ANKFY1: variants seen among roughly 807,000 people sequenced by gnomAD.
ANKFY1 encodes ankyrin repeat and FYVE domain-containing protein 1.
Under a neutral mutation model 128.3 loss-of-function variants are expected in ANKFY1, and 47 were observed. That is an observed-to-expected ratio of 0.37 (90% CI 0.29 to 0.47). ANKFY1 has a LOEUF of 0.47. Among genes scored for constraint, ANKFY1 ranks in the 20% least tolerant of loss-of-function variants. The pLI is 1.00. For missense variants in ANKFY1, 1,222 were observed against 1,510.6 expected (o/e 0.81, Z 3.17); for synonymous variants, 553 against 601.6 (o/e 0.92, Z 1.18).
chr17:4,233,998 T>C (rs889603268), intron 3 of ANKFY1, among the ~76,000 whole-genome samples: 3 of 152,234 alleles, frequency 2.0e-5, no homozygotes, highest in East Asian at 1.9e-4. Context: ...AATTATAATA[T>C]TGTACTTTTA....
At chr17:4,241,361 G>C (rs1740521783) in intron 2 of ANKFY1, among the ~76,000 whole-genome samples, 2 of 145,468 alleles carry the variant, frequency 1.4e-5, no homozygotes, top group Admixed American at 1.4e-4. Context: ...CTCACTGCAA[G>C]CTCCATCTCC....
Position 4,182,296 on chromosome 17 carries a change from A to G in ANKFY1, c.2006T>C (p.Leu669Pro). 1 of 1,593,830 alleles carries G rather than the reference A, an allele frequency of 6.3e-7. No individual in the cohort carries two copies. Among genetic ancestry groups the G allele is most frequent in the Non-Finnish European group, 8.6e-7 (1 of 1,169,282 alleles). The change falls in exon 15 of 25, where the codon CTC becomes CCC. Residue 669 changes from leucine (L) to proline (P), a missense_variant. Coordinates refer to ENST00000341657, the MANE Select transcript of ANKFY1 (RefSeq NM_001330063.2). Reference protein sequence around the residue: ...LQLAIRNQLPLVVDAICTRGA... With the variant: ...LQLAIRNQLPPVVDAICTRGA... ...TCGGGTGCATATGGCATCAACTACGAGTGGAAGCTGGTTTCTGATGGCCAG... is the reference window on the plus strand; with the variant it reads ...TCGGGTGCATATGGCATCAACTACGGGTGGAAGCTGGTTTCTGATGGCCAG...
chr17:4,244,246 T>G (rs1255782706), intron 1 of ANKFY1, among the ~76,000 whole-genome samples: 1 of 152,166 alleles, frequency 6.6e-6, no homozygotes, highest in Non-Finnish European at 1.5e-5. Flanking sequence ...TCAAATAACT[T>G]TTGTTATAAT....
Position 4,167,504 on chromosome 17 carries a change from G to A in ANKFY1, c.*275C>T, listed in dbSNP as rs1597995088. The A allele has an allele frequency of 6.7e-6, 2 of 298,066 alleles. No homozygotes were observed. Among genetic ancestry groups the A allele is most frequent in the East Asian group, 1.1e-4 (2 of 17,982 alleles). 18.5% of individuals were successfully genotyped at this position (298,066 alleles called of 1,614,324 possible). ...CTGTATGTTGCTAGCAGAATGGGGA[G>A]AGGTCTAATTCCTAATCACATTTAC... is the stretch of plus-strand genomic sequence containing the variant. On this transcript the variant is annotated 3_prime_UTR_variant, in exon 25 of 25. Transcript: ENST00000341657. The surrounding 1 kb of genome is among the most constrained non-coding windows in gnomAD (Gnocchi z 4.1).
At position 4,243,367 on chromosome 17, in the gene ANKFY1, CT is replaced by C. The variant is rs60693230; in HGVS notation, c.11-920del. Among the ~76,000 whole-genome samples, 109 of 147,056 alleles carry C rather than the reference CT, an allele frequency of 7.4e-4. 1 individual carries two copies. The highest frequency in any genetic ancestry group is 2.2e-3 in the African/African-American group (87 of 40,378). On this transcript the variant is annotated intron_variant, in intron 1 of 24. Coordinates refer to ENST00000341657, the MANE Select transcript of ANKFY1 (RefSeq NM_001330063.2). ...AGGCATGAGCTACCGCGCCCAGCCT[CT>C]TTTTTTTTTTAAACAGATGAGGGTC...
intron 7 of ANKFY1, among the ~76,000 whole-genome samples, chr17:4,201,773 A>G (rs936202536): frequency 2.0e-5 from 3 of 152,178 alleles, no homozygotes; most frequent in African/African-American, 7.2e-5. Context: ...CAGAGGCAGT[A>G]AAGCACTGCA....
At chr17:4,214,029 C>CT (rs1200850427) in intron 4 of ANKFY1, among the ~76,000 whole-genome samples, 1 of 152,200 alleles carries the variant, frequency 6.6e-6, no homozygotes, top group Non-Finnish European at 1.5e-5. Flanking sequence ...CTTTCAGAAG[C>CT]TTTTACCATT....
In ANKFY1 at chr17:4,209,865, T is replaced by A. The variant is rs772133323; in HGVS notation, c.541A>T (p.Thr181Ser). The A allele has an allele frequency of 5.0e-6, 8 of 1,614,076 alleles. No individual in the cohort carries two copies. The highest frequency in any genetic ancestry group is 3.3e-4 in the Middle Eastern group (2 of 6,062). ...YQTAEELNAS[T>S]LMNYCAEIIA... ...ATTTCTGCACAGTAGTTCATCAGTG[T>A]GCTGGCATTCAGCTCCTCTGCCGTC... Residue 181 changes from threonine to serine, a missense_variant, in exon 5 of 25, where the codon ACA becomes TCA. Thr to Ser is a moderately conservative substitution (Grantham distance 58). Transcript: ENST00000341657.
At chr17:4,219,277 T>C (rs967396414) in intron 3 of ANKFY1, among the ~76,000 whole-genome samples, 12 of 152,306 alleles carry the variant, frequency 7.9e-5, no homozygotes, top group Non-Finnish European at 1.5e-4. Flanking sequence ...AGAAGAGTGA[T>C]GGTCAGAGGA....
At position 4,173,384 on chromosome 17, in the gene ANKFY1, C is replaced by T; in HGVS notation, c.2984G>A (p.Cys995Tyr). 1 of 1,614,176 alleles carries T rather than the reference C, an allele frequency of 6.2e-7. No individual in the cohort carries two copies. ...LNNIRVLLTE[C>Y]TVDAEAFNLR... ...ATTAAAGGCTTCGGCGTCCACTGTG[C>T]ACTCTGTCAGGAGAACCCGGATGTT... The change falls in exon 21 of 25, where the codon TGC (cysteine) becomes TAC (tyrosine). Residue 995 changes from cysteine (C) to tyrosine (Y), a missense_variant. Cys to Tyr is a radical substitution (Grantham distance 194, BLOSUM62 -2). Coordinates refer to ENST00000341657, the MANE Select transcript of ANKFY1 (RefSeq NM_001330063.2).
chr17:4,221,014 A>C (rs1192013680), intron 3 of ANKFY1, among the ~76,000 whole-genome samples: 2 of 152,230 alleles, frequency 1.3e-5, no homozygotes, highest in Non-Finnish European at 2.9e-5. Flanking sequence ...AATAACACTG[A>C]AACTTCTGAC....
rs1318378888 is a variant in ANKFY1 at position 4,235,851 on chromosome 17, A to G, written c.243T>C (p.Ala81=). The change falls in exon 3 of 25, where the codon GCT becomes GCC. Residue 81 remains alanine, a synonymous_variant. Coordinates refer to ENST00000341657, the MANE Select transcript of ANKFY1 (RefSeq NM_001330063.2). ...KIKVGDRHIS[A]HKFVLAARSD... The stretch of plus-strand genomic sequence containing the variant: ...TGCGGGCTGCCAGGACAAACTTGTG[A>G]GCACTGATGTGCCTGTCCCCAACCT... 1.2e-6 allele frequency: 2 copies of G among 1,614,092 alleles called. No individual in the cohort carries two copies. Among genetic ancestry groups the G allele is most frequent in the Admixed American group, 3.3e-5 (2 of 60,006 alleles).
At chr17:4,241,060 T>C (rs1222569637) in intron 2 of ANKFY1, among the ~76,000 whole-genome samples, 1 of 151,836 alleles carries the variant, frequency 6.6e-6, no homozygotes, top group Non-Finnish European at 1.5e-5. Context: ...ATTTAAGTTT[T>C]AAAAAGAAAA....
intron 1 of ANKFY1, among the ~76,000 whole-genome samples, chr17:4,251,902 C>T (rs978464568): frequency 1.3e-5 from 2 of 151,974 alleles, no homozygotes; most frequent in African/African-American, 2.4e-5. Flanking sequence ...GGTGCAGTGG[C>T]GTGCGCCTGT....
intron 2 of ANKFY1, among the ~76,000 whole-genome samples, chr17:4,240,261 T>A (rs1221551713): frequency 2.0e-5 from 3 of 151,274 alleles, no homozygotes; most frequent in African/African-American, 7.3e-5. Flanking sequence ...AAACGGGGTT[T>A]CACCATGTTA....
At chr17:4,198,876 G>C (rs1375446151) in intron 7 of ANKFY1, among the ~76,000 whole-genome samples, 1 of 152,064 alleles carries the variant, frequency 6.6e-6, no homozygotes, top group Non-Finnish European at 1.5e-5. Context: ...GTCTACCTAG[G>C]ACAATTTACA....
In ANKFY1 at chr17:4,169,159, C is replaced by G. The variant is rs2059268117; in HGVS notation, c.3377+39G>C. On this transcript the variant is annotated intron_variant, in intron 24 of 24. Coordinates refer to ENST00000341657, the MANE Select transcript of ANKFY1 (RefSeq NM_001330063.2). This position sits in a 1 kb window ranked among gnomAD's most constrained non-coding sequence, Gnocchi z 5.0. ...AGGGGGGAAGCAATGACATCAGCGG[C>G]AGTCCCCTCGCTCCTTGCCAGTGAC... The G allele has an allele frequency of 6.6e-7, 1 of 1,513,778 alleles. No individual in the cohort carries two copies. The highest frequency in any genetic ancestry group is 1.2e-5 in the South Asian group (1 of 83,228). 93.8% of individuals were successfully genotyped at this position (1,513,778 alleles called of 1,614,324 possible).
intron 1 of ANKFY1, among the ~76,000 whole-genome samples, chr17:4,246,640 G>A (rs979252383): frequency 6.6e-6 from 1 of 152,116 alleles, no homozygotes; most frequent in Non-Finnish European, 1.5e-5. Context: ...CTCTAACCTT[G>A]GTTTCAATCA....
At chr17:4,263,658 G>A (rs939252640) in intron 1 of ANKFY1, 9 of 1,534,286 alleles carry the variant, frequency 5.9e-6, no homozygotes, top group South Asian at 1.2e-5. Flanking sequence ...GGGGCCCCGC[G>A]GCTGCACGCA....
Sources: allele counts gnomAD v4.1 joint callset (sites outside exome capture counted in the v4.1 genomes callset), GRCh38; gene constraint gnomAD v4.1.1; non-coding constraint Gnocchi (gnomAD v3.1); transcripts MANE v1.5; gene names NCBI Gene and HGNC (gene_info 2026-07-23, HGNC 2026-07-21).